PAX2: variants seen among roughly 807,000 people sequenced by gnomAD.
PAX2 encodes paired box 2.
Under a neutral mutation model 41.7 loss-of-function variants are expected in PAX2, and 9 were observed. The observed-to-expected ratio is 0.22, with a 90% CI of 0.13 to 0.38. The LOEUF is 0.38. Among genes scored for constraint, PAX2 ranks in the 10% least tolerant of loss-of-function variants. PAX2 has a pLI of 1.00. For synonymous variants in PAX2, 221 were observed against 212.7 expected, an observed-to-expected ratio of 1.04 and a Z score of -0.34; for missense variants, 418 against 531.6, an observed-to-expected ratio of 0.79 and a Z score of 2.10.
intron 3 of PAX2, among the ~76,000 whole-genome samples, chr10:100,775,204 G>A (rs963962345): frequency 1.3e-5 from 2 of 152,226 alleles, no homozygotes; most frequent in African/African-American, 4.8e-5. Flanking sequence ...GTGTCTGGCT[G>A]TCTTGTGAGG....
chr10:100,790,234 A>G (rs1847052317), intron 5 of PAX2, among the ~76,000 whole-genome samples: 1 of 152,220 alleles, frequency 6.6e-6, no homozygotes. Flanking sequence ...AGGAGAGAAT[A>G]TACAGAATTG....
chr10:100,829,635 CT>C lies in PAX2; in HGVS notation c.*2021del. The C allele has an allele frequency of 9.7e-6, 2 of 205,486 alleles. No individual in the cohort carries two copies. Among genetic ancestry groups the C allele is most frequent in the Non-Finnish European group, 1.0e-5 (1 of 99,712 alleles). 12.7% of individuals were successfully genotyped at this position (205,486 alleles called of 1,614,324 possible). ...CCCAGATCTCTCTCCCCTGCGAGCC[CT>C]TTTTATTTGAGAAGGAAAAAGAGAA... is the stretch of plus-strand genomic sequence containing the variant. On this transcript the variant is annotated 3_prime_UTR_variant, in exon 10 of 10. Transcript: ENST00000355243.
intron 6 of PAX2, among the ~76,000 whole-genome samples, chr10:100,806,998 C>A (rs1847808411): frequency 6.6e-6 from 1 of 152,060 alleles, no homozygotes. Context: ...GCCCACACCC[C>A]CTCAGGGTCC....
rs1484599958 is a variant in PAX2, at chr10:100,791,101, C to T, written c.616+9736C>T. ...CATTCTTGGAGCCCTGTGGCCCATC[C>T]TCCAGGTGGCTCCTAATTTGGCTGC... On this transcript the variant is annotated intron_variant, in intron 5 of 9. Transcript: ENST00000355243. This position sits in a 1 kb window ranked among gnomAD's most constrained non-coding sequence, Gnocchi z 4.5. 2.0e-5 allele frequency among the ~76,000 whole-genome samples: 3 copies of T among 152,224 alleles called. No homozygotes were observed. Among genetic ancestry groups the T allele is most frequent in the Non-Finnish European group, 4.4e-5 (3 of 68,038 alleles).
At position 100,748,701 on chromosome 10, in the gene PAX2, C is replaced by T. The variant is rs1056620398; in HGVS notation, c.44-1045C>T. ...CCAGTGGCCGCCTCGGTTCCGAGAT[C>T]GGGAGCCCGCGCTGGAGCCGGGTTG... On this transcript the variant is annotated intron_variant, in intron 1 of 9. Transcript: ENST00000355243. The surrounding 1 kb of genome is among the most constrained non-coding windows in gnomAD (Gnocchi z 5.0). 2.2e-5 allele frequency: 22 copies of T among 985,372 alleles called. No homozygotes were observed. The highest frequency in any genetic ancestry group is 2.7e-5 in the Non-Finnish European group (22 of 829,980). The allele number at this position is 985,372 out of a possible 1,614,324, so 61.0% of individuals were successfully genotyped here.
rs1846355939 is a variant in PAX2 at position 100,775,518 on chromosome 10, T to A, written c.411-3980T>A. ...GGCACCCTGCCCAGCTCCTCCCCCA[T>A]GCACCACCAAGCCGCTGTCAGGGAG... On this transcript the variant is annotated intron_variant, in intron 3 of 9. Transcript: ENST00000355243. Among the ~76,000 whole-genome samples, 2 of 152,190 alleles carry A rather than the reference T, an allele frequency of 1.3e-5. 1 individual carries two copies. Among genetic ancestry groups the A allele is most frequent in the South Asian group, 4.1e-4 (2 of 4,830 alleles).
chr10:100,801,918 A>G (rs1369479227), intron 5 of PAX2, among the ~76,000 whole-genome samples: 1 of 152,248 alleles, frequency 6.6e-6, no homozygotes, highest in Non-Finnish European at 1.5e-5. Context: ...TCTTTGCTTC[A>G]GCTTCCTTAT....
rs1309923081 is a variant in PAX2 at position 100,828,971 on chromosome 10, T to G, written c.*1352T>G. The G allele has an allele frequency of 1.5e-5, 2 of 136,690 alleles. No individual in the cohort carries two copies. The highest frequency in any genetic ancestry group is 5.8e-5 in the African/African-American group (2 of 34,574). The allele number at this position is 136,690 out of a possible 1,614,324, so 8.5% of individuals were successfully genotyped here. On this transcript the variant is annotated 3_prime_UTR_variant, in exon 10 of 10. Transcript: ENST00000355243. The surrounding 1 kb of genome is among the most constrained non-coding windows in gnomAD (Gnocchi z 6.5). ...GTCCCTGTCGCCCGCCGGCCCTGCC[T>G]GTAGATACGCCCCGCTGTCTGTGCT... is the stretch of plus-strand genomic sequence containing the variant.
rs1848713411 is a variant in PAX2 at position 100,829,558 on chromosome 10, G to A, written c.*1939G>A. 1 of 208,078 alleles carries A rather than the reference G, an allele frequency of 4.8e-6. No individual in the cohort carries two copies. The allele number at this position is 208,078 out of a possible 1,614,324, so 12.9% of individuals were successfully genotyped here. Reference sequence around the variant, plus strand: ...AAATAACAGAAACAAAGTCAATAAAGTGAAAATAAATAAAAATCCTTGAAC... The same window carrying A: ...AAATAACAGAAACAAAGTCAATAAAATGAAAATAAATAAAAATCCTTGAAC... On this transcript the variant is annotated 3_prime_UTR_variant, in exon 10 of 10. Transcript: ENST00000355243.
At chr10:100,747,447 C>T in intron 1 of PAX2, 1 of 182,738 alleles carries the variant, frequency 5.5e-6, no homozygotes, top group Non-Finnish European at 1.0e-5. Context: ...ATGTCTTTAG[C>T]TTGAAAAACT....
At chr10:100,813,362 A>G (rs917707704) in intron 7 of PAX2, among the ~76,000 whole-genome samples, 3 of 152,250 alleles carry the variant, frequency 2.0e-5, no homozygotes, top group Non-Finnish European at 4.4e-5. Context: ...ATAAAATATA[A>G]CAACAAAAAT....
intron 1 of PAX2, among the ~76,000 whole-genome samples, chr10:100,739,473 G>C (rs1019362401): frequency 3.2e-4 from 49 of 152,336 alleles, no homozygotes; most frequent in Admixed American, 5.2e-4. Context: ...CGAGACGGTA[G>C]ATTTGGTGCC....
rs184414888 is a variant in PAX2, at chr10:100,738,209, G to A, written c.25+2476G>A. 1.4e-3 allele frequency among the ~76,000 whole-genome samples: 206 copies of A among 152,278 alleles called. 1 individual carries two copies. The highest frequency in any genetic ancestry group is 3.7e-3 in the Admixed American group (57 of 15,300). ...CTCCTCTCCCTCTCCCCATTCGGGC[G>A]CCAGGCTTTCAGAGCCTGGGGGAGA... On this transcript the variant is annotated intron_variant, in intron 1 of 9. Transcript: ENST00000679374.
chr10:100,781,514 TG>T, intron 5 of PAX2, 149 bp downstream of exon 5: 5 of 863,840 alleles, frequency 5.8e-6, no homozygotes, highest in Non-Finnish European at 9.7e-6. Flanking sequence ...TGCTGGCTCC[TG>T]GAGAGAGGGA....
intron 7 of PAX2, among the ~76,000 whole-genome samples, 171 bp downstream of exon 7, chr10:100,809,407 A>G (rs927290943): frequency 6.6e-6 from 1 of 152,070 alleles, no homozygotes; most frequent in African/African-American, 2.4e-5. Flanking sequence ...ATGTGGGGAG[A>G]AAAAAACTGG....
chr10:100,823,837 T>C (rs1050097816), intron 7 of PAX2, among the ~76,000 whole-genome samples: 7 of 152,096 alleles, frequency 4.6e-5, no homozygotes, highest in Non-Finnish European at 8.8e-5. Flanking sequence ...GACATGTCGG[T>C]GGACCAGGGG....
At chr10:100,749,354 G>A (rs1001527461) in intron 1 of PAX2, 1 of 1,020,880 alleles carries the variant, frequency 9.8e-7, no homozygotes, top group Non-Finnish European at 1.2e-6. Flanking sequence ...CAGGCGGGAT[G>A]CTGCTTCGCA....
rs1280296227 is a variant in PAX2 at position 100,827,837 on chromosome 10, G to A, written c.*218G>A. 3 of 655,674 alleles carry A rather than the reference G, an allele frequency of 4.6e-6. No homozygotes were observed. The highest frequency in any genetic ancestry group is 7.6e-6 in the Non-Finnish European group (3 of 392,958). 40.6% of individuals were successfully genotyped at this position (655,674 alleles called of 1,614,324 possible). On this transcript the variant is annotated 3_prime_UTR_variant, in exon 10 of 10. Transcript: ENST00000355243. The surrounding 1 kb of genome is among the most constrained non-coding windows in gnomAD (Gnocchi z 8.5). ...AGCCGTGGGCGGGACCCTCAGGCCC[G>A]GGCCCGCCGCCCCCAGCCCCGCCTG...
intron 1 of PAX2, chr10:100,749,528 C>A (rs1845353219): frequency 7.4e-7 from 1 of 1,353,904 alleles, no homozygotes; most frequent in South Asian, 2.1e-5. Context: ...AGGCCTGAGT[C>A]GCCCTCTCGC....
Sources: gnomAD v4.1 joint callset for allele counts (sites outside exome capture counted in the v4.1 genomes callset) on GRCh38, gnomAD v4.1.1 for gene constraint, Gnocchi (gnomAD v3.1) non-coding constraint, MANE v1.5 for transcripts, NCBI Gene and HGNC (gene_info 2026-07-23, HGNC 2026-07-21) for gene names.